Variants in PPME1 observed in about 807,000 individuals in gnomAD.
PPME1 encodes testicular secretory protein Li 39.
In PPME1, 17 loss-of-function variants were observed where a neutral mutation model predicts 56.9. That is an observed-to-expected ratio of 0.30 (90% CI 0.20 to 0.45). PPME1 has a LOEUF of 0.45. Ranked by LOEUF, PPME1 falls within the 20% of genes least tolerant of loss-of-function variation. The probability of loss-of-function intolerance (pLI) is 1.00; values close to 1 mark genes in which losing one functional copy is unlikely to be tolerated. For missense variants in PPME1, 357 were observed against 483.2 expected (o/e 0.74, Z 2.45); for synonymous variants, 122 against 156.2 (o/e 0.78, Z 1.63).
intron 1 of PPME1, among the ~76,000 whole-genome samples, chr11:74,175,744 G>A (rs1857386157): frequency 6.6e-6 from 1 of 152,120 alleles, no homozygotes; most frequent in Non-Finnish European, 1.5e-5. Flanking sequence ...TAACTGACAT[G>A]TATATAGTAG....
At chr11:74,184,685 G>T (rs966762196) in intron 1 of PPME1, among the ~76,000 whole-genome samples, 1 of 152,174 alleles carries the variant, frequency 6.6e-6, no homozygotes, top group Non-Finnish European at 1.5e-5. Context: ...GAAAGACTGG[G>T]TGTGCCGTTT....
At chr11:74,209,284 A>G (rs1361649504) in intron 3 of PPME1, among the ~76,000 whole-genome samples, 1 of 151,928 alleles carries the variant, frequency 6.6e-6, no homozygotes, top group Non-Finnish European at 1.5e-5. Context: ...TTTATTTTTT[A>G]TAGAGAGGGA....
intron 1 of PPME1, among the ~76,000 whole-genome samples, chr11:74,200,634 C>T (rs530962259): frequency 3.3e-5 from 5 of 152,140 alleles, no homozygotes; most frequent in South Asian, 4.2e-4. Context: ...CTGCCCACCT[C>T]GGTCTCCCAA....
intron 7 of PPME1, among the ~76,000 whole-genome samples, chr11:74,233,975 A>G (rs759112506): frequency 2.0e-4 from 30 of 152,210 alleles, no homozygotes; most frequent in Non-Finnish European, 3.4e-4. Flanking sequence ...TGTTATAGTA[A>G]AGGAGAGTAA....
At chr11:74,247,915 G>T (rs1394845055) in intron 11 of PPME1, 1 of 152,592 alleles carries the variant, frequency 6.6e-6, no homozygotes, top group East Asian at 1.9e-4. Context: ...CTGAAGTTCG[G>T]AAAACTGAGT....
At chr11:74,173,848 C>A (rs991124024) in intron 1 of PPME1, among the ~76,000 whole-genome samples, 1 of 152,054 alleles carries the variant, frequency 6.6e-6, no homozygotes, top group African/African-American at 2.4e-5. Context: ...GGACAACTTA[C>A]CTTTTTAAAA....
chr11:74,172,850 A>G (rs976443853), intron 1 of PPME1, among the ~76,000 whole-genome samples: 2 of 152,230 alleles, frequency 1.3e-5, no homozygotes, highest in Non-Finnish European at 2.9e-5. Context: ...ACTACAGAAG[A>G]GAAACCTTAG....
At chr11:74,172,572 G>T (rs1857291263) in intron 1 of PPME1, among the ~76,000 whole-genome samples, 1 of 152,180 alleles carries the variant, frequency 6.6e-6, no homozygotes, top group Non-Finnish European at 1.5e-5. Context: ...ATAGGTTTTG[G>T]AATTTTAGAT....
chr11:74,234,015 A>T (rs916007618), intron 7 of PPME1, among the ~76,000 whole-genome samples: 11 of 152,232 alleles, frequency 7.2e-5, no homozygotes, highest in African/African-American at 2.4e-4. Flanking sequence ...GGATGGCAAC[A>T]GAGGAAGAGA....
chr11:74,237,526 C>T (rs751389676), intron 8 of PPME1, among the ~76,000 whole-genome samples: 6 of 151,922 alleles, frequency 3.9e-5, no homozygotes, highest in East Asian at 1.9e-4. Flanking sequence ...CCGCCCACCT[C>T]GGCCTCTCAA....
At chr11:74,194,875 G>A (rs760526490) in intron 1 of PPME1, among the ~76,000 whole-genome samples, 5 of 152,160 alleles carry the variant, frequency 3.3e-5, no homozygotes, top group Non-Finnish European at 5.9e-5. Flanking sequence ...TATGGGATAT[G>A]GGATAAGGGA....
At chr11:74,185,161 G>A (rs12574960) in intron 1 of PPME1, among the ~76,000 whole-genome samples, 20,801 of 151,650 alleles carry the variant, frequency 0.14, 1,977 homozygotes, top group East Asian at 0.29. Context: ...CACCACAACC[G>A]GCTAATTTTT....
intron 8 of PPME1, among the ~76,000 whole-genome samples, chr11:74,237,481 T>C (rs939941079): frequency 6.6e-6 from 1 of 152,002 alleles, no homozygotes; most frequent in Non-Finnish European, 1.5e-5. Flanking sequence ...TTCACTGTGT[T>C]AGCCAGGATG....
chr11:74,217,138 C>T (rs1279247994), intron 3 of PPME1, among the ~76,000 whole-genome samples: 2 of 152,118 alleles, frequency 1.3e-5, no homozygotes, highest in Non-Finnish European at 2.9e-5. Context: ...TACCCTAATA[C>T]CAAAACCAGA....
intron 1 of PPME1, among the ~76,000 whole-genome samples, chr11:74,180,900 G>A (rs1285757868): frequency 1.3e-5 from 2 of 152,072 alleles, no homozygotes; most frequent in South Asian, 2.1e-4. Flanking sequence ...CAGAGCAAGT[G>A]GTCCACCATT....
chr11:74,205,649 A>G (rs530699), intron 3 of PPME1: 118,141 of 152,180 alleles, frequency 0.78, 46,232 homozygotes, highest in African/African-American at 0.87. Context: ...CTTGAAAATA[A>G]GGATAATGTG....
rs746920933 is a variant in PPME1 at position 74,203,791 on chromosome 11, T to C, written c.165T>C (p.Asp55=). Residue 55 remains aspartate (D), a synonymous_variant, in exon 2 of 14, where the codon GAT becomes GAC. Coordinates refer to ENST00000328257, the MANE Select transcript of PPME1 (RefSeq NM_016147.3). ...PWSQYFESME[D]VEVENETGKD... ...GTCAGTATTTTGAGTCCATGGAAGA[T>C]GTAGAAGTAGAGAATGAAACTGGCA... The C allele has an allele frequency of 3.5e-5, 56 of 1,612,148 alleles. No individual in the cohort carries two copies. In the South Asian group the frequency reaches 6.2e-4, roughly 18 times the overall value.
At chr11:74,224,264 C>T (rs1269730047) in intron 4 of PPME1, among the ~76,000 whole-genome samples, 2 of 146,824 alleles carry the variant, frequency 1.4e-5, no homozygotes, top group African/African-American at 2.7e-5. Flanking sequence ...AGATATGTGG[C>T]GATATTTCTG....
At chr11:74,236,695 TA>T (rs1415828257) in intron 8 of PPME1, among the ~76,000 whole-genome samples, 11 of 152,230 alleles carry the variant, frequency 7.2e-5, no homozygotes, top group Admixed American at 6.5e-4. Context: ...CAATGGTTAT[TA>T]ACCCATAACC....
Sources: allele counts gnomAD v4.1 joint callset (sites outside exome capture counted in the v4.1 genomes callset), GRCh38; gene constraint gnomAD v4.1.1; transcripts MANE v1.5; gene names NCBI Gene and HGNC (gene_info 2026-07-23, HGNC 2026-07-21).